The following MET variants were observed in gnomAD, a reference collection of about 807,000 sequenced individuals.
MET encodes hepatocyte growth factor receptor.
In MET, 48 loss-of-function variants were observed where a neutral mutation model predicts 133.1. The ratio of observed to expected loss-of-function variants is 0.36; its 90% CI spans 0.29 to 0.46. The LOEUF (loss-of-function observed/expected upper bound fraction) is 0.46. MET is among the 20% of genes least tolerant of loss of function. MET has a pLI of 1.00. For missense variants in MET, 1,442 were observed against 1,695.9 expected (o/e 0.85, Z 2.63); for synonymous variants, 628 against 616.5 (o/e 1.02, Z -0.28).
intron 6 of MET, among the ~76,000 whole-genome samples, chr7:116,756,879 G>C (rs1215904394): frequency 6.6e-6 from 1 of 152,094 alleles, no homozygotes; most frequent in African/African-American, 2.4e-5. Flanking sequence ...GGTCTTTATG[G>C]ATAAGGTCTG....
At chr7:116,763,009 G>A (rs1284507952) in intron 10 of MET, 41 bp from the exon 11 acceptor site, 2 of 1,532,600 alleles carry the variant, frequency 1.3e-6, no homozygotes, top group Non-Finnish European at 1.8e-6. Context: ...ATGTTGCCAA[G>A]CTGTATTCTG....
intron 17 of MET, 124 bp from the exon 18 acceptor site, chr7:116,781,864 C>G: frequency 2.8e-6 from 2 of 717,032 alleles, no homozygotes; most frequent in Non-Finnish European, 4.8e-6. Context: ...AGGCTTGAGC[C>G]ATTAAGACCA....
At chr7:116,737,754 A>T (rs1418362983) in intron 3 of MET, among the ~76,000 whole-genome samples, 1 of 152,200 alleles carries the variant, frequency 6.6e-6, no homozygotes, top group Non-Finnish European at 1.5e-5. Context: ...CATATCAATC[A>T]ATCCAAGTCC....
intron 19 of MET, among the ~76,000 whole-genome samples, chr7:116,785,839 AT>A: frequency 6.6e-6 from 1 of 152,364 alleles, no homozygotes; most frequent in South Asian, 2.1e-4. Flanking sequence ...TGCTCATGCA[AT>A]AACACATATA....
At chr7:116,746,319 T>A (rs1793682823) in intron 5 of MET, among the ~76,000 whole-genome samples, 2 of 152,234 alleles carry the variant, frequency 1.3e-5, no homozygotes, top group Non-Finnish European at 2.9e-5. Flanking sequence ...GGAACACTTT[T>A]ACACTGTTGA....
chr7:116,747,194 T>G (rs946530565), intron 5 of MET, among the ~76,000 whole-genome samples: 1 of 152,082 alleles, frequency 6.6e-6, no homozygotes, highest in Non-Finnish European at 1.5e-5. Flanking sequence ...ACATACCAAA[T>G]TGTAAAGACC....
At chr7:116,688,144 C>T (rs1298337884) in intron 1 of MET, among the ~76,000 whole-genome samples, 1 of 152,144 alleles carries the variant, frequency 6.6e-6, no homozygotes, top group Non-Finnish European at 1.5e-5. Context: ...ACTTGTCTCC[C>T]TTCAGTGGTT....
intron 5 of MET, among the ~76,000 whole-genome samples, chr7:116,750,120 C>G (rs1389520279): frequency 6.6e-6 from 1 of 152,140 alleles, no homozygotes; most frequent in Non-Finnish European, 1.5e-5. Flanking sequence ...GCCCGCATAG[C>G]CAAGACAATC....
rs769507421 is a variant in MET at position 116,700,062 on chromosome 7, G to T, written c.978G>T (p.Gly326=). 1 of 1,613,516 alleles carries T rather than the reference G, an allele frequency of 6.2e-7. No individual in the cohort carries two copies. Among genetic ancestry groups the T allele is most frequent in the South Asian group, 1.1e-5 (1 of 90,992 alleles). Residue 326 remains glycine, a synonymous_variant, in exon 2 of 21, where the codon GGG becomes GGT. Coordinates refer to ENST00000397752, the MANE Select transcript of MET (RefSeq NM_000245.4). ...AGGCTGCGTATGTCAGCAAGCCTGG[G>T]GCCCAGCTTGCTAGACAAATAGGAG... The part of the protein sequence containing the change: ...ILQAAYVSKP[G]AQLARQIGAS...
At chr7:116,794,033 C>A (rs938868857) in intron 19 of MET, among the ~76,000 whole-genome samples, 7 of 152,172 alleles carry the variant, frequency 4.6e-5, no homozygotes, top group Non-Finnish European at 1.0e-4. Context: ...CAAGACCCAC[C>A]TTACTGTCAC....
chr7:116,754,889 A>G (rs558928551), intron 5 of MET, among the ~76,000 whole-genome samples: 45 of 108,924 alleles, frequency 4.1e-4, no homozygotes, highest in East Asian at 5.2e-4. Flanking sequence ...GAGAGAGAGA[A>G]AGAGAGAAAG....
At chr7:116,780,673 A>G (rs752219165) in intron 17 of MET, among the ~76,000 whole-genome samples, 2 of 152,236 alleles carry the variant, frequency 1.3e-5, no homozygotes, top group African/African-American at 2.4e-5. Context: ...TGTCTTAAAG[A>G]GAAACCTAAA....
chr7:116,695,669 T>A (rs199661959), intron 1 of MET: 3 of 387,452 alleles, frequency 7.7e-6, no homozygotes, highest in African/African-American at 2.1e-5. Flanking sequence ...AGACGTGGAA[T>A]TGAATCTTGG....
chr7:116,746,994 T>G (rs1249958152), intron 5 of MET, among the ~76,000 whole-genome samples: 2 of 152,168 alleles, frequency 1.3e-5, no homozygotes, highest in Admixed American at 6.5e-5. Context: ...TTCAACATTC[T>G]TAAAGAAAAT....
At chr7:116,767,653 CTTTT>C (rs1005347455) in intron 11 of MET, among the ~76,000 whole-genome samples, 2 of 152,016 alleles carry the variant, frequency 1.3e-5, no homozygotes, top group African/African-American at 4.8e-5. Flanking sequence ...AGCTCTCTCT[CTTTT>C]GTTGCTTTAT....
At chr7:116,795,423 A>G (rs1468619955) in intron 19 of MET, among the ~76,000 whole-genome samples, 1 of 152,240 alleles carries the variant, frequency 6.6e-6, no homozygotes, top group Non-Finnish European at 1.5e-5. Flanking sequence ...CATCATGTAG[A>G]CTTCAGATAT....
At position 116,699,137 on chromosome 7, in the gene MET, T is replaced by G; in HGVS notation, c.53T>G (p.Leu18Trp). 1 of 1,613,908 alleles carries G rather than the reference T, an allele frequency of 6.2e-7. No homozygotes were observed. ...GGCATCCTCGTGCTCCTGTTTACCT[T>G]GGTGCAGAGGAGCAATGGGGAGTGT... is the stretch of plus-strand genomic sequence containing the variant. ...APGILVLLFTLVQRSNGECKE... is the reference protein window; with the variant it reads ...APGILVLLFTWVQRSNGECKE... Residue 18 changes from leucine (L) to tryptophan (W), a missense_variant, in exon 2 of 21, where the codon TTG becomes TGG. Leu to Trp is a moderately conservative substitution (Grantham distance 61, BLOSUM62 -2). Transcript: ENST00000397752.
rs757448894 is a variant in MET, at chr7:116,740,842, C to G, written c.1528-10C>G. On this transcript the variant is annotated splice_polypyrimidine_tract_variant and intron_variant, in intron 4 of 20. Transcript: ENST00000397752. ...CCTCTGGAAGCTCTTTCCACCCCTT[C>G]TCTTCACAGATCACGAAGATCCCAT... 3.7e-6 allele frequency: 6 copies of G among 1,613,966 alleles called. No homozygotes were observed. Among genetic ancestry groups the G allele is most frequent in the Non-Finnish European group, 5.1e-6 (6 of 1,180,026 alleles).
At chr7:116,675,744 TTCTC>T (rs752105100) in intron 1 of MET, among the ~76,000 whole-genome samples, 97 of 147,946 alleles carry the variant, frequency 6.6e-4, no homozygotes, top group Non-Finnish European at 1.2e-3. Context: ...CTTTCTCCAG[TTCTC>T]TCTCTCTTTT....
Sources: gnomAD v4.1 joint callset for allele counts (sites outside exome capture counted in the v4.1 genomes callset) on GRCh38, gnomAD v4.1.1 for gene constraint, MANE v1.5 for transcripts, NCBI Gene and HGNC (gene_info 2026-07-23, HGNC 2026-07-21) for gene names.